The following RBBP8 variants were observed in gnomAD, a reference collection of about 807,000 sequenced individuals.
The protein encoded by RBBP8 is DNA endonuclease RBBP8.
Under a neutral mutation model 108.3 loss-of-function variants are expected in RBBP8, and 88 were observed. That is an observed-to-expected ratio of 0.81 (90% CI 0.68 to 0.97). The LOEUF is 0.97. RBBP8 is among the 50% of genes least tolerant of loss of function. The pLI, the probability that RBBP8 is intolerant of heterozygous loss-of-function variation, is 0.00. For synonymous variants in RBBP8, 332 were observed against 348.2 expected, an observed-to-expected ratio of 0.95 and a Z score of 0.52; for missense variants, 1,023 against 1,049.0, an observed-to-expected ratio of 0.98 and a Z score of 0.34.
intron 6 of RBBP8, 150 bp downstream of exon 6, chr18:22,975,369 G>C (rs1914425564): frequency 4.9e-6 from 6 of 1,222,260 alleles, no homozygotes; most frequent in South Asian, 4.7e-5. Context: ...TTTGTGTTTT[G>C]AGAGTATAGT....
intron 3 of RBBP8, among the ~76,000 whole-genome samples, chr18:22,947,615 GA>G (rs1472872656): frequency 6.6e-6 from 1 of 152,070 alleles, no homozygotes; most frequent in East Asian, 1.9e-4. Flanking sequence ...TAATGGCATT[GA>G]GCTTGCTTTA....
intron 6 of RBBP8, among the ~76,000 whole-genome samples, chr18:22,981,713 G>A (rs189129114): frequency 6.6e-6 from 1 of 152,272 alleles, no homozygotes; most frequent in African/African-American, 2.4e-5. Flanking sequence ...CAGACAGAGC[G>A]GCTTGCCTGG....
rs1021600566 is a variant in RBBP8, at chr18:22,945,465, G to T, written c.110-979G>T. The stretch of plus-strand genomic sequence containing the variant: ...TGCAATGGCGGGATCTCAGCTCACC[G>T]CAGCCTCTGCCTCCCGGGTTCAAGC... On this transcript the variant is annotated intron_variant, in intron 2 of 18. Transcript: ENST00000327155. Among the ~76,000 whole-genome samples, 6 of 151,730 alleles carry T rather than the reference G, an allele frequency of 4.0e-5. No individual in the cohort carries two copies. In the South Asian group the frequency reaches 1.2e-3, roughly 32 times the overall value.
chr18:22,985,016 A>G, intron 8 of RBBP8, 26 bp downstream of exon 8: 1 of 1,609,166 alleles, frequency 6.2e-7, no homozygotes, highest in South Asian at 1.1e-5. Context: ...AGATTACTTT[A>G]CAAGTTTAAA....
intron 4 of RBBP8, among the ~76,000 whole-genome samples, chr18:22,968,480 A>G (rs1399018821): frequency 1.3e-5 from 2 of 152,228 alleles, no homozygotes; most frequent in African/African-American, 4.8e-5. Flanking sequence ...AAGTTGCTTC[A>G]GGTATAATTC....
rs753321236 is a variant in RBBP8 at position 22,949,761 on chromosome 18, T to C, written c.248+48T>C. The C allele has an allele frequency of 3.7e-6, 5 of 1,341,532 alleles. No homozygotes were observed. In the Admixed American group the frequency reaches 8.4e-5, roughly 23 times the overall value. The allele number at this position is 1,341,532 out of a possible 1,614,324, so 83.1% of individuals were successfully genotyped here. A position where few individuals can be genotyped will look rare whatever the true frequency, so the allele number is the denominator to read the frequency against. ...GAGTAAGAAGTGATTTCCTCCATAA[T>C]AAGAAGTACATTGACTTTCATTTGT... On this transcript the variant is annotated intron_variant, in intron 4 of 18. Coordinates refer to ENST00000327155, the MANE Select transcript of RBBP8 (RefSeq NM_002894.3).
At chr18:23,014,794 A>G (rs1192712151) in intron 16 of RBBP8, among the ~76,000 whole-genome samples, 1 of 152,246 alleles carries the variant, frequency 6.6e-6, no homozygotes, top group Non-Finnish European at 1.5e-5. Flanking sequence ...TAAAAATAAC[A>G]ACAAATGATA....
chr18:23,003,134 A>T (rs1293754427), intron 15 of RBBP8, among the ~76,000 whole-genome samples: 1 of 151,974 alleles, frequency 6.6e-6, no homozygotes, highest in Non-Finnish European at 1.5e-5. Context: ...CTTCCTCACA[A>T]CTTTTCTCTC....
chr18:22,954,502 C>T (rs1912336531), intron 4 of RBBP8, among the ~76,000 whole-genome samples: 1 of 152,248 alleles, frequency 6.6e-6, no homozygotes, highest in Non-Finnish European at 1.5e-5. Context: ...TGGGTTCCCA[C>T]AGTCTTGGGC....
intron 3 of RBBP8, among the ~76,000 whole-genome samples, chr18:22,924,336 C>G (rs1909712942): frequency 6.6e-6 from 1 of 151,982 alleles, no homozygotes; most frequent in African/African-American, 2.4e-5. Flanking sequence ...ACCACGTTGA[C>G]GAGGATGGTC....
intron 2 of RBBP8, among the ~76,000 whole-genome samples, chr18:22,944,025 A>G (rs1911330426): frequency 6.6e-6 from 1 of 152,186 alleles, no homozygotes; most frequent in African/African-American, 2.4e-5. Flanking sequence ...CAGTGTTACA[A>G]TCCCAGATAC....
upstream of RBBP8, chr18:22,929,510 GAAGAGAC>G (rs1909932270): frequency 8.0e-6 from 1 of 125,202 alleles, no homozygotes; most frequent in African/African-American, 3.3e-5. Context: ...GTGTGTGTGT[GAAGAGAC>G]AGGCGGGTGT....
chr18:22,971,838 G>A (rs569484659), intron 5 of RBBP8, among the ~76,000 whole-genome samples: 5 of 150,682 alleles, frequency 3.3e-5, no homozygotes, highest in East Asian at 2.0e-4. Flanking sequence ...GTAGAGAAGC[G>A]GTTTCACTAT....
intron 16 of RBBP8, among the ~76,000 whole-genome samples, chr18:23,010,013 GCC>G (rs1268454647): frequency 6.6e-6 from 1 of 152,188 alleles, no homozygotes; most frequent in African/African-American, 2.4e-5. Context: ...GCCTGCCTTG[GCC>G]TCCCAAAGTG....
intron 5 of RBBP8, among the ~76,000 whole-genome samples, chr18:22,971,141 G>A (rs1185203042): frequency 3.9e-5 from 2 of 50,876 alleles, no homozygotes; most frequent in African/African-American, 1.4e-4. Flanking sequence ...CATGCCAGGA[G>A]AGTCTTTAAA....
At position 22,992,742 on chromosome 18, in the gene RBBP8, A is replaced by G; in HGVS notation, c.921-6A>G. The G allele has an allele frequency of 1.3e-6, 2 of 1,571,812 alleles. No individual in the cohort carries two copies. Among genetic ancestry groups the G allele is most frequent in the Non-Finnish European group, 1.8e-6 (2 of 1,142,308 alleles). ...TATTAAAGAATTGTTATCACTCTTTATTTAGATTTTCAGATTCTACTTCAA... is the reference window on the plus strand; with the variant it reads ...TATTAAAGAATTGTTATCACTCTTTGTTTAGATTTTCAGATTCTACTTCAA... On this transcript the variant is annotated splice_region_variant and splice_polypyrimidine_tract_variant and intron_variant, in intron 10 of 18. Transcript: ENST00000327155.
chr18:23,007,015 G>A (rs1191078149), intron 16 of RBBP8, among the ~76,000 whole-genome samples: 1 of 148,740 alleles, frequency 6.7e-6, no homozygotes, highest in Non-Finnish European at 1.5e-5. Context: ...GTGTGTGTGT[G>A]TATTTCTTTT....
At chr18:22,961,899 A>G (rs1913134959) in intron 4 of RBBP8, among the ~76,000 whole-genome samples, 1 of 152,056 alleles carries the variant, frequency 6.6e-6, no homozygotes, top group Non-Finnish European at 1.5e-5. Context: ...CTCCCTTTTA[A>G]ATCTGCTTAG....
upstream of RBBP8, among the ~76,000 whole-genome samples, chr18:22,928,922 G>A (rs980236148): frequency 2.6e-5 from 4 of 152,188 alleles, no homozygotes; most frequent in South Asian, 2.1e-4. Context: ...CAACCACCTC[G>A]GCCTCCCAAA....
Sources: allele counts gnomAD v4.1 joint callset (sites outside exome capture counted in the v4.1 genomes callset), GRCh38; gene constraint gnomAD v4.1.1; transcripts MANE v1.5; gene names NCBI Gene and HGNC (gene_info 2026-07-23, HGNC 2026-07-21).